Variants in TENM3 observed in about 807,000 individuals in gnomAD.
The protein encoded by TENM3 is teneurin transmembrane protein 3.
TENM3 carries 63 observed loss-of-function variants against 255.1 expected under a neutral mutation model. That is an observed-to-expected ratio of 0.25 (90% CI 0.20 to 0.30). The LOEUF is 0.30. Ranked by LOEUF, TENM3 falls within the 10% of genes least tolerant of loss-of-function variation. The pLI is 1.00. For synonymous variants in TENM3, 1,306 were observed against 1,322.3 expected (o/e 0.99, Z 0.27); for missense variants, 2,929 against 3,461.1 (o/e 0.85, Z 3.86).
chr4:182,175,307 AAAAAAAAATATAT>A (rs528886970), intron 1 of TENM3, among the ~76,000 whole-genome samples: 15,734 of 103,218 alleles, frequency 0.15, 1,184 homozygotes, highest in Admixed American at 0.29. Flanking sequence ...TTCATTAAAA[AAAAAAAAATATAT>A]ATATATATAT....
At chr4:181,927,886 A>T in the TENM3 span, among the ~76,000 whole-genome samples, 2 of 152,200 alleles carry the variant, frequency 1.3e-5, no homozygotes, top group Non-Finnish European at 2.9e-5. Context: ...CAGGCAAACA[A>T]GGTCTGGAGT....
the TENM3 span, among the ~76,000 whole-genome samples, chr4:181,884,748 A>G: frequency 1.3e-5 from 2 of 152,160 alleles, no homozygotes; most frequent in Admixed American, 6.6e-5. Context: ...TCAAAATACT[A>G]GCAAAATTAT....
At chr4:181,664,978 C>A in the TENM3 span, among the ~76,000 whole-genome samples, 28 of 152,312 alleles carry the variant, frequency 1.8e-4, no homozygotes, top group African/African-American at 6.7e-4. Context: ...ACAGTGCCAA[C>A]TATTTGATAG....
the TENM3 span, among the ~76,000 whole-genome samples, chr4:181,756,272 A>G: frequency 1.3e-5 from 2 of 152,202 alleles, 1 homozygote; most frequent in South Asian, 4.1e-4. Flanking sequence ...CTTGCCCGGT[A>G]GCATAAATAG....
At chr4:182,621,803 ATATAT>A (rs1293977266) in intron 4 of TENM3, among the ~76,000 whole-genome samples, 1 of 14,014 alleles carries the variant, frequency 7.1e-5, no homozygotes, top group East Asian at 1.5e-3. Flanking sequence ...AATATATAAT[ATATAT>A]ATTATATATA....
intron 1 of TENM3, among the ~76,000 whole-genome samples, chr4:182,232,977 T>G (rs1756676166): frequency 6.6e-6 from 1 of 152,138 alleles, no homozygotes; most frequent in South Asian, 2.1e-4. Context: ...AATTTTCCAT[T>G]TAACGTCTTT....
At chr4:181,849,949 T>TCTCTCTCTCTCTCTCACACACA in the TENM3 span, among the ~76,000 whole-genome samples, 20 of 65,960 alleles carry the variant, frequency 3.0e-4, no homozygotes, top group African/African-American at 5.7e-4. Flanking sequence ...TCTCTCTCTC[T>TCTCTCTCTCTCTCTCACACACA]CACACACACA....
At chr4:182,346,628 T>A in intron 2 of TENM3, 23 bp from the exon 3 acceptor site, 3 of 1,604,774 alleles carry the variant, frequency 1.9e-6, no homozygotes, top group Non-Finnish European at 2.6e-6. Context: ...CACTAGTTGT[T>A]ATCTTTTTTT....
At chr4:182,597,142 C>A (rs1473213248) in intron 3 of TENM3, among the ~76,000 whole-genome samples, 4 of 152,196 alleles carry the variant, frequency 2.6e-5, no homozygotes, top group Non-Finnish European at 4.4e-5. Flanking sequence ...GATCCTCACA[C>A]CTGCAGTCTC....
At chr4:181,752,044 G>C in the TENM3 span, among the ~76,000 whole-genome samples, 1,462 of 152,166 alleles carry the variant, frequency 9.6e-3, 20 homozygotes, top group Non-Finnish European at 0.015. Flanking sequence ...TAGCAGATTT[G>C]CTGCTTTTAA....
the TENM3 span, among the ~76,000 whole-genome samples, chr4:181,716,524 G>A: frequency 6.6e-6 from 1 of 152,120 alleles, no homozygotes; most frequent in Admixed American, 6.5e-5. Flanking sequence ...CTAGTTGCAC[G>A]TAAATAAGAC....
chr4:181,790,172 C>T, the TENM3 span, among the ~76,000 whole-genome samples: 2 of 152,162 alleles, frequency 1.3e-5, no homozygotes, highest in African/African-American at 2.4e-5. Flanking sequence ...ATGGCATAGC[C>T]TGCTGGTGGC....
At chr4:181,844,012 C>T in the TENM3 span, among the ~76,000 whole-genome samples, 1 of 152,076 alleles carries the variant, frequency 6.6e-6, no homozygotes. Context: ...GCCACCGCGC[C>T]CGGCCGAGGG....
chr4:181,569,130 C>T, the TENM3 span, among the ~76,000 whole-genome samples: 1 of 152,146 alleles, frequency 6.6e-6, no homozygotes, highest in East Asian at 1.9e-4. Flanking sequence ...CCCAGGAGTT[C>T]AAGACCAGCC....
intron 1 of TENM3, among the ~76,000 whole-genome samples, chr4:182,297,523 T>C (rs1761569982): frequency 6.6e-6 from 1 of 152,172 alleles, no homozygotes; most frequent in Admixed American, 6.5e-5. Flanking sequence ...TCGTCTTCAT[T>C]ACTTCTTGGA....
chr4:181,617,838 C>T, the TENM3 span, among the ~76,000 whole-genome samples: 2 of 152,182 alleles, frequency 1.3e-5, no homozygotes, highest in Non-Finnish European at 2.9e-5. Context: ...GCCAACACCA[C>T]TATTGAAAAG....
At chr4:182,407,081 T>C (rs1015353401) in intron 3 of TENM3, among the ~76,000 whole-genome samples, 8 of 152,188 alleles carry the variant, frequency 5.3e-5, no homozygotes, top group Admixed American at 1.3e-4. Context: ...GACTGTAAAA[T>C]AAACAGGCTG....
chr4:182,213,957 A>G (rs941043195), intron 1 of TENM3, among the ~76,000 whole-genome samples: 8 of 151,726 alleles, frequency 5.3e-5, no homozygotes, highest in Admixed American at 1.3e-4. Context: ...GCCCGCCACC[A>G]CGCCTGGCTA....
At chr4:181,803,198 C>A in the TENM3 span, among the ~76,000 whole-genome samples, 1 of 152,192 alleles carries the variant, frequency 6.6e-6, no homozygotes, top group Admixed American at 6.5e-5. Context: ...TTGTCTACAG[C>A]CACAATCTCC....
Sources: allele counts gnomAD v4.1 joint callset (sites outside exome capture counted in the v4.1 genomes callset), GRCh38; gene constraint gnomAD v4.1.1; transcripts MANE v1.5; gene names NCBI Gene and HGNC (gene_info 2026-07-23, HGNC 2026-07-21).